DOCK1: variants seen among roughly 807,000 people sequenced by gnomAD.
DOCK1 encodes the protein dedicator of cytokinesis 1, also known as dedicator of cytokinesis protein 1.
DOCK1 carries 138 observed loss-of-function variants against 262.7 expected under a neutral mutation model. The ratio of observed to expected loss-of-function variants is 0.53; its 90% CI spans 0.46 to 0.61. The LOEUF (loss-of-function observed/expected upper bound fraction) is 0.61, where lower values mean the gene tolerates loss of function less well. DOCK1 is among the 20% of genes least tolerant of loss of function. DOCK1 has a pLI of 0.00. For synonymous variants in DOCK1, 866 were observed against 867.4 expected, an observed-to-expected ratio of 1.00 and a Z score of 0.03; for missense variants, 1,908 against 2,370.7, an observed-to-expected ratio of 0.80 and a Z score of 4.05.
chr10:127,346,628 T>C (rs1347157314), intron 31 of DOCK1, among the ~76,000 whole-genome samples: 1 of 152,062 alleles, frequency 6.6e-6, no homozygotes, highest in Non-Finnish European at 1.5e-5. Context: ...AAAAAAACAT[T>C]AACCTCGAAG....
intron 38 of DOCK1, among the ~76,000 whole-genome samples, chr10:127,391,833 C>A (rs1228744950): frequency 3.9e-5 from 6 of 152,112 alleles, no homozygotes; most frequent in Non-Finnish European, 8.8e-5. Context: ...CCTGTCTCCA[C>A]CCTTCCGCTC....
Position 126,905,462 on chromosome 10 carries a change from A to G in DOCK1, c.-56A>G. On this transcript the variant is annotated 5_prime_UTR_variant, in exon 1 of 52. Coordinates refer to ENST00000623213, the MANE Select transcript of DOCK1 (RefSeq NM_001290223.2). ...CTGTCGCGGCTCGAAAGGAATGGAA[A>G]ATGGCGGCCTAGACGCGGAGTTTCC... is the stretch of plus-strand genomic sequence containing the variant. 2.0e-6 allele frequency: 1 copy of G among 499,176 alleles called. No homozygotes were observed. Among genetic ancestry groups the G allele is most frequent in the Non-Finnish European group, 3.7e-6 (1 of 270,564 alleles). The allele number at this position is 499,176 out of a possible 1,614,324, so 30.9% of individuals were successfully genotyped here.
intron 19 of DOCK1, among the ~76,000 whole-genome samples, chr10:127,040,699 C>A (rs560143186): frequency 7.2e-5 from 11 of 152,326 alleles, no homozygotes; most frequent in Non-Finnish European, 1.2e-4. Flanking sequence ...ACACCTGACC[C>A]AGCCTTTCCT....
chr10:127,362,142 G>T lies in DOCK1; in HGVS notation c.3362G>T (p.Arg1121Leu). 6.2e-7 allele frequency: 1 copy of T among 1,613,826 alleles called. No individual in the cohort carries two copies. Among genetic ancestry groups the T allele is most frequent in the Non-Finnish European group, 8.5e-7 (1 of 1,179,852 alleles). ...ACATTAATTCCCGAGACGGAGCTGC[G>T]CAAAGCCACCATCCCCATCTTCTTT... ...EMTLIPETELRKATIPIFFDM... is the reference protein window; with the variant it reads ...EMTLIPETELLKATIPIFFDM... Residue 1121 changes from arginine (R) to leucine (L), a missense_variant, in exon 33 of 52, where the codon CGC (arginine) becomes CTC (leucine). Transcript: ENST00000623213.
chr10:127,313,337 T>C (rs1316181561), intron 29 of DOCK1, among the ~76,000 whole-genome samples: 2 of 151,896 alleles, frequency 1.3e-5, no homozygotes, highest in East Asian at 3.9e-4. Flanking sequence ...AGCTCACGAG[T>C]AGGCATGCAA....
At chr10:127,322,235 G>C (rs2135576641) in intron 29 of DOCK1, among the ~76,000 whole-genome samples, 1 of 150,768 alleles carries the variant, frequency 6.6e-6, no homozygotes, top group Non-Finnish European at 1.5e-5. Flanking sequence ...TGCTGCCCAG[G>C]CTAGAGTGCA....
chr10:126,924,638 C>A (rs772818268), intron 1 of DOCK1, among the ~76,000 whole-genome samples: 2 of 152,184 alleles, frequency 1.3e-5, no homozygotes, highest in Admixed American at 6.5e-5. Flanking sequence ...CTTCTTCCAC[C>A]GTGTTGCCTC....
chr10:127,157,589 T>C (rs1369281460), intron 27 of DOCK1, among the ~76,000 whole-genome samples: 1 of 152,232 alleles, frequency 6.6e-6, no homozygotes, highest in Non-Finnish European at 1.5e-5. Context: ...TCCTGAGAAA[T>C]GGTTTGGCTG....
intron 27 of DOCK1, among the ~76,000 whole-genome samples, chr10:127,131,226 G>A (rs557312907): frequency 4.6e-5 from 7 of 152,192 alleles, no homozygotes; most frequent in South Asian, 2.1e-4. Context: ...AGCACTGTCC[G>A]GGAATGGAAG....
chr10:127,120,682 G>T (rs560531713), intron 25 of DOCK1, among the ~76,000 whole-genome samples: 1 of 152,034 alleles, frequency 6.6e-6, no homozygotes, highest in Non-Finnish European at 1.5e-5. Context: ...CCAAACATTG[G>T]TTTCTAACAA....
intron 1 of DOCK1, among the ~76,000 whole-genome samples, chr10:126,938,780 TG>T (rs2034733653): frequency 2.0e-5 from 1 of 49,652 alleles, no homozygotes. Flanking sequence ...CAGGAGGGGA[TG>T]AACACCAGCG....
At chr10:126,918,875 G>A (rs1245245284) in intron 1 of DOCK1, among the ~76,000 whole-genome samples, 1 of 151,784 alleles carries the variant, frequency 6.6e-6, no homozygotes, top group East Asian at 1.9e-4. Context: ...GTCTGGCAGG[G>A]TGTGCAGGTG....
intron 35 of DOCK1, among the ~76,000 whole-genome samples, chr10:127,378,360 C>T (rs1001238287): frequency 1.3e-5 from 2 of 152,176 alleles, no homozygotes; most frequent in African/African-American, 2.4e-5. Flanking sequence ...TGGGGTTCCT[C>T]TGGGAGCTGA....
At chr10:127,358,634 T>C (rs945389866) in intron 32 of DOCK1, among the ~76,000 whole-genome samples, 1 of 152,182 alleles carries the variant, frequency 6.6e-6, no homozygotes. Flanking sequence ...ATATTTTTCA[T>C]GCAGGGATTC....
At chr10:127,306,678 G>A (rs960982495) in intron 29 of DOCK1, among the ~76,000 whole-genome samples, 5 of 152,154 alleles carry the variant, frequency 3.3e-5, no homozygotes, top group Non-Finnish European at 7.3e-5. Flanking sequence ...AATTTATCAG[G>A]GAAATACGTT....
intron 1 of DOCK1, among the ~76,000 whole-genome samples, chr10:126,950,925 T>C (rs2036161467): frequency 6.6e-6 from 1 of 151,952 alleles, no homozygotes; most frequent in Admixed American, 6.6e-5. Context: ...TGATGGTGGT[T>C]GGTAGTATTG....
At chr10:127,214,080 C>T (rs886398359) in intron 27 of DOCK1, among the ~76,000 whole-genome samples, 4 of 152,308 alleles carry the variant, frequency 2.6e-5, no homozygotes, top group Admixed American at 6.5e-5. Context: ...ATCACCTGAC[C>T]TTGTGATCCA....
intron 29 of DOCK1, among the ~76,000 whole-genome samples, chr10:127,307,328 T>C (rs2061910764): frequency 6.6e-6 from 1 of 152,178 alleles, no homozygotes; most frequent in Admixed American, 6.5e-5. Context: ...ATTTTACCTT[T>C]TCAGGTTCTG....
chr10:127,011,581 G>A (rs1041543756), intron 11 of DOCK1, among the ~76,000 whole-genome samples: 4 of 152,256 alleles, frequency 2.6e-5, no homozygotes, highest in East Asian at 1.9e-4. Context: ...CTCGTACAGC[G>A]CAGCATCTGT....
Sources: allele counts gnomAD v4.1 joint callset (sites outside exome capture counted in the v4.1 genomes callset), GRCh38; gene constraint gnomAD v4.1.1; transcripts MANE v1.5; gene names NCBI Gene and HGNC (gene_info 2026-07-23, HGNC 2026-07-21).